Variants in ZSWIM2 observed in about 807,000 individuals in gnomAD.
ZSWIM2 encodes zinc finger SWIM-type containing 2.
A neutral mutation model predicts 48.4 loss-of-function variants in ZSWIM2; 38 were observed. That is an observed-to-expected ratio of 0.79 (90% CI 0.61 to 1.03). ZSWIM2 has a LOEUF of 1.03. Among genes scored for constraint, ZSWIM2 ranks in the 50% least tolerant of loss-of-function variants. ZSWIM2 has a pLI of 0.00. For missense variants in ZSWIM2, 776 were observed against 730.2 expected (o/e 1.06, Z -0.72); for synonymous variants, 240 against 251.3 (o/e 0.96, Z 0.42).
At chr2:186,835,853 T>C (rs1487649434) in intron 5 of ZSWIM2, among the ~76,000 whole-genome samples, 1 of 152,008 alleles carries the variant, frequency 6.6e-6, no homozygotes, top group East Asian at 1.9e-4. Flanking sequence ...CAGAGATGAG[T>C]AATTGTTAGC....
At position 186,828,188 on chromosome 2, in the gene ZSWIM2, G is replaced by A; in HGVS notation, c.1698C>T (p.Asp566=). 6.2e-7 allele frequency: 1 copy of A among 1,613,506 alleles called. No homozygotes were observed. Among genetic ancestry groups the A allele is most frequent in the Non-Finnish European group, 8.5e-7 (1 of 1,179,718 alleles). The change falls in exon 9 of 9, where the codon GAC becomes GAT. Residue 566 remains aspartate, a synonymous_variant. Transcript: ENST00000295131. The part of the protein sequence containing the change: ...KKTPATKIRE[D]NKRSTLLPED... ...CTGGAAGTAAAGTTGATCTCTTGTT[G>A]TCCTCTCTTATTTTAGTGGCAGGAG...
At chr2:186,833,395 A>G (rs10165106) in intron 6 of ZSWIM2, among the ~76,000 whole-genome samples, 163 bp from the exon 7 acceptor site, 27,734 of 138,796 alleles carry the variant, frequency 0.2, 3,859 homozygotes, top group African/African-American at 0.4. Flanking sequence ...TATTAGTCTC[A>G]TATTGTATTG....
chr2:186,845,661 T>C (rs1691984588), intron 2 of ZSWIM2, among the ~76,000 whole-genome samples: 1 of 151,456 alleles, frequency 6.6e-6, no homozygotes. Flanking sequence ...TAAATTAAAA[T>C]AATATTAATA....
chr2:186,840,219 C>T (rs1040784639), intron 3 of ZSWIM2, among the ~76,000 whole-genome samples: 2 of 151,492 alleles, frequency 1.3e-5, no homozygotes, highest in Non-Finnish European at 3.0e-5. Context: ...GCAACATCTG[C>T]TCTCTAAAAA....
chr2:186,842,177 A>T (rs1039871028), intron 3 of ZSWIM2, among the ~76,000 whole-genome samples: 1 of 151,338 alleles, frequency 6.6e-6, no homozygotes, highest in African/African-American at 2.4e-5. Flanking sequence ...CTCTTCCATT[A>T]CAAGTAACAT....
chr2:186,834,810 A>G (rs1691766227), intron 5 of ZSWIM2, among the ~76,000 whole-genome samples: 1 of 152,110 alleles, frequency 6.6e-6, no homozygotes, highest in African/African-American at 2.4e-5. Context: ...TTCTACTTTT[A>G]AGAACCTGTA....
At position 186,828,393 on chromosome 2, in the gene ZSWIM2, T is replaced by G. The variant is rs1333292783; in HGVS notation, c.1493A>C (p.Gln498Pro). 1.9e-6 allele frequency: 3 copies of G among 1,613,686 alleles called. No homozygotes were observed. The highest frequency in any genetic ancestry group is 2.5e-6 in the Non-Finnish European group (3 of 1,179,800). ...KISQHFPRYL[Q>P]DLPTVSFGKI... ...CCCAAATGACACAGTGGGTAAATCT[T>G]GAAGATACCTGGGAAAATGTTGGCT... Residue 498 changes from glutamine (Q) to proline (P), a missense_variant, in exon 9 of 9, where the codon CAA becomes CCA. Physicochemically the swap from Gln to Pro is moderately conservative, Grantham distance 76 (BLOSUM62 -1). Coordinates refer to ENST00000295131, the MANE Select transcript of ZSWIM2 (RefSeq NM_182521.3).
chr2:186,832,596 A>G (rs541980378), intron 7 of ZSWIM2, among the ~76,000 whole-genome samples: 1 of 152,292 alleles, frequency 6.6e-6, no homozygotes, highest in South Asian at 2.1e-4. Flanking sequence ...TCTTCCCCCA[A>G]AGGCCAATTA....
At chr2:186,832,475 C>G (rs1691719151) in intron 7 of ZSWIM2, among the ~76,000 whole-genome samples, 1 of 152,032 alleles carries the variant, frequency 6.6e-6, no homozygotes, top group South Asian at 2.1e-4. Context: ...GACCTCTCCA[C>G]TAATAATGTT....
chr2:186,848,774 TA>T, intron 1 of ZSWIM2, 191 bp downstream of exon 1: 6 of 666,392 alleles, frequency 9.0e-6, no homozygotes, highest in Non-Finnish European at 1.5e-5. Context: ...AAGAAACTTC[TA>T]ATAAATACTA....
chr2:186,834,945 T>C lies in ZSWIM2; in HGVS notation c.744-915A>G, dbSNP rs138269656. On this transcript the variant is annotated intron_variant, in intron 5 of 8. Coordinates refer to ENST00000295131, the MANE Select transcript of ZSWIM2 (RefSeq NM_182521.3). ...GACATACAAGTTCTGGGCGTAAGGA[T>C]GTGGACGTTTTAGGAAGTCCATTAT... Among the ~76,000 whole-genome samples the C allele has an allele frequency of 8.1e-4, 124 of 152,264 alleles. No individual in the cohort carries two copies. In the South Asian group the frequency reaches 0.011, roughly 13 times the overall value.
chr2:186,848,750 C>T (rs1337125433), intron 1 of ZSWIM2: 1 of 540,944 alleles, frequency 1.8e-6, no homozygotes, highest in Non-Finnish European at 3.2e-6. Flanking sequence ...GCAGTTTGGT[C>T]TTAACCTCCA....
rs77315131 is a variant in ZSWIM2 at position 186,844,756 on chromosome 2, C to T, written c.244G>A (p.Val82Ile). 9.0e-4 allele frequency: 1,405 copies of T among 1,556,140 alleles called. 8 individuals are homozygous for T. In the African/African-American group the frequency reaches 0.017, roughly 19 times the overall value. Residue 82 changes from valine (V) to isoleucine (I), a missense_variant and splice_region_variant, in exon 3 of 9, where the codon GTC becomes ATC. Coordinates refer to ENST00000295131, the MANE Select transcript of ZSWIM2 (RefSeq NM_182521.3). The stretch of plus-strand genomic sequence containing the variant: ...GGAAGCTTGAATTTTTTCAACAAGA[C>T]CCTAACATTCACAAGTAGAAAAAAA... Reference protein sequence around the residue: ...GGELCKHICWVLLKKFKLPRN... With the variant: ...GGELCKHICWILLKKFKLPRN...
chr2:186,842,578 T>G (rs1691924534), intron 3 of ZSWIM2, among the ~76,000 whole-genome samples: 1 of 151,442 alleles, frequency 6.6e-6, no homozygotes, highest in African/African-American at 2.4e-5. Context: ...TGTTTGCAGA[T>G]AAAAGACATT....
At chr2:186,848,758 C>A in intron 1 of ZSWIM2, 1 of 579,666 alleles carries the variant, frequency 1.7e-6, no homozygotes, top group African/African-American at 1.9e-5. Context: ...GTCTTAACCT[C>A]CAAAAAAGAA....
At chr2:186,829,033 T>C (rs987875374) in intron 8 of ZSWIM2, among the ~76,000 whole-genome samples, 6 of 152,154 alleles carry the variant, frequency 3.9e-5, no homozygotes, top group South Asian at 2.1e-4. Flanking sequence ...TTTGTAATTT[T>C]GTTAAAAATT....
intron 1 of ZSWIM2, chr2:186,848,598 T>C (rs1692045799): frequency 1.7e-5 from 3 of 177,066 alleles, no homozygotes; most frequent in Admixed American, 1.1e-4. Context: ...TAGCAGATTG[T>C]AGAATTTTCA....
At chr2:186,836,432 C>T (rs923646786) in intron 5 of ZSWIM2, among the ~76,000 whole-genome samples, 2 of 152,096 alleles carry the variant, frequency 1.3e-5, no homozygotes, top group African/African-American at 2.4e-5. Context: ...TAATAATCAA[C>T]TTTCTTTTGT....
chr2:186,838,093 A>T (rs1366362643), intron 4 of ZSWIM2, among the ~76,000 whole-genome samples: 1 of 151,516 alleles, frequency 6.6e-6, no homozygotes, highest in Admixed American at 6.6e-5. Flanking sequence ...TTAAATTATC[A>T]GAAGAAAAAA....
Sources: allele counts gnomAD v4.1 joint callset (sites outside exome capture counted in the v4.1 genomes callset), GRCh38; gene constraint gnomAD v4.1.1; transcripts MANE v1.5; gene names NCBI Gene and HGNC (gene_info 2026-07-23, HGNC 2026-07-21).